Variants in AP1S3 observed in about 807,000 individuals in gnomAD.
The protein encoded by AP1S3 is AP-1 complex subunit sigma-3.
A neutral mutation model predicts 20.9 loss-of-function variants in AP1S3; 10 were observed. That is an observed-to-expected ratio of 0.48 (90% confidence interval 0.29 to 0.81). The LOEUF (loss-of-function observed/expected upper bound fraction) is 0.81. Among genes scored for constraint, AP1S3 ranks in the 30% least tolerant of loss-of-function variants. The pLI, the probability that AP1S3 is intolerant of heterozygous loss-of-function variation, is 0.08. For missense variants in AP1S3, 154 were observed against 183.8 expected (o/e 0.84, Z 0.94); for synonymous variants, 41 against 61.5 (o/e 0.67, Z 1.56).
chr2:223,785,891 A>G (rs1475323653), intron 1 of AP1S3, among the ~76,000 whole-genome samples: 1 of 152,244 alleles, frequency 6.6e-6, no homozygotes, highest in African/African-American at 2.4e-5. Context: ...TGAATTCTAC[A>G]TGTAACAAAC....
At chr2:223,772,765 G>C (rs1459437377) in intron 3 of AP1S3, among the ~76,000 whole-genome samples, 1 of 152,068 alleles carries the variant, frequency 6.6e-6, no homozygotes, top group Non-Finnish European at 1.5e-5. Context: ...TTTTCCCCTA[G>C]ATAACATTAT....
At chr2:223,768,050 G>A (rs901549288) in intron 3 of AP1S3, among the ~76,000 whole-genome samples, 5 of 152,246 alleles carry the variant, frequency 3.3e-5, no homozygotes, top group Admixed American at 3.3e-4. Context: ...GACCACTAAT[G>A]CTTAGCTAAA....
chr2:223,812,597 G>T (rs1013988780), intron 1 of AP1S3, among the ~76,000 whole-genome samples: 2 of 152,156 alleles, frequency 1.3e-5, no homozygotes, highest in Non-Finnish European at 2.9e-5. Flanking sequence ...TAGAGAAGTG[G>T]CTTTTTTGTT....
intron 1 of AP1S3, among the ~76,000 whole-genome samples, chr2:223,829,104 G>A (rs760291941): frequency 3.3e-5 from 5 of 152,158 alleles, no homozygotes; most frequent in African/African-American, 4.8e-5. Flanking sequence ...AAAGTGCTGG[G>A]ATTACAGGCA....
At chr2:223,783,004 T>A (rs1300307578) in intron 1 of AP1S3, among the ~76,000 whole-genome samples, 1 of 152,080 alleles carries the variant, frequency 6.6e-6, no homozygotes, top group Non-Finnish European at 1.5e-5. Context: ...TAATAAAAAA[T>A]ACCATTTTTG....
chr2:223,795,556 G>T (rs903282668), intron 1 of AP1S3, among the ~76,000 whole-genome samples: 5 of 150,778 alleles, frequency 3.3e-5, no homozygotes, highest in Non-Finnish European at 5.9e-5. Context: ...ATTTCATCCA[G>T]GGCCTGCTGG....
chr2:223,832,133 CTCTGTGTGTGTG>C lies in AP1S3; in HGVS notation c.3+5303_3+5314del, dbSNP rs1331522966. Reference sequence around the variant, plus strand: ...CTGGGGATTATTAAAGGAGTTTTCTCTCTGTGTGTGTGTGTGTGTGTGTGTGTGTGTGTGTGT... The same window carrying C: ...CTGGGGATTATTAAAGGAGTTTTCTCTGTGTGTGTGTGTGTGTGTGTGTGT... On this transcript the variant is annotated intron_variant, in intron 1 of 4. Coordinates refer to ENST00000396654, the MANE Select transcript of AP1S3 (RefSeq NM_001039569.2). Among the ~76,000 whole-genome samples the C allele has an allele frequency of 2.1e-4, 9 of 43,020 alleles. 1 individual carries two copies. The highest frequency in any genetic ancestry group is 7.1e-4 in the African/African-American group (9 of 12,630). The allele number at this position is 43,020 out of a possible 152,430, so 28.2% of individuals were successfully genotyped here. A position where few individuals can be genotyped will look rare whatever the true frequency, so the allele number is the denominator to read the frequency against.
rs527550327 is a variant in AP1S3, at chr2:223,780,308, TAGAGAGAGAGAGAG to T, written c.4-2453_4-2440del. Among the ~76,000 whole-genome samples, 124 of 61,882 alleles carry T rather than the reference TAGAGAGAGAGAGAG, an allele frequency of 2.0e-3. 2 individuals carry two copies. The highest frequency in any genetic ancestry group is 5.0e-3 in the African/African-American group (67 of 13,330). The allele number at this position is 61,882 out of a possible 152,430, so 40.6% of individuals were successfully genotyped here. ...ATATATATATATATATATATATATA[TAGAGAGAGAGAGAG>T]AGAGAGAGAGAGAGAGAGAGAGAGA... On this transcript the variant is annotated intron_variant, in intron 1 of 4. Transcript: ENST00000396654.
In AP1S3 at chr2:223,762,934, G is replaced by GAAA. The variant is rs201153582; in HGVS notation, c.429+2276_429+2278dup. ...ATATATGATTGGGTCCAAAGGACAG[G>GAAA]AAAAAAAAAAAAGCAGTAATTATTT... On this transcript the variant is annotated intron_variant, in intron 4 of 4. Coordinates refer to ENST00000396654, the MANE Select transcript of AP1S3 (RefSeq NM_001039569.2). 1.8e-3 allele frequency among the ~76,000 whole-genome samples: 252 copies of GAAA among 143,250 alleles called. 1 individual carries two copies. The highest frequency in any genetic ancestry group is 6.2e-3 in the African/African-American group (242 of 39,306). The allele number at this position is 143,250 out of a possible 152,430, so 94.0% of individuals were successfully genotyped here.
chr2:223,763,679 G>A (rs929074860), intron 4 of AP1S3, among the ~76,000 whole-genome samples: 3 of 152,144 alleles, frequency 2.0e-5, no homozygotes, highest in African/African-American at 7.2e-5. Context: ...GACACCTCTG[G>A]TAATGAATGC....
intron 1 of AP1S3, among the ~76,000 whole-genome samples, chr2:223,814,897 C>T (rs927709814): frequency 6.6e-6 from 1 of 152,156 alleles, no homozygotes; most frequent in East Asian, 1.9e-4. Flanking sequence ...CTGCCTTAGC[C>T]TCCCAAGTAG....
chr2:223,817,028 G>A (rs1204778185), intron 1 of AP1S3, among the ~76,000 whole-genome samples: 1 of 152,212 alleles, frequency 6.6e-6, no homozygotes, highest in Non-Finnish European at 1.5e-5. Flanking sequence ...AGGAGGCTGA[G>A]GCAGGAGAAT....
At chr2:223,759,298 AGAG>A (rs1690297511) in intron 4 of AP1S3, among the ~76,000 whole-genome samples, 4 of 102,844 alleles carry the variant, frequency 3.9e-5, no homozygotes, top group Non-Finnish European at 6.5e-5. Flanking sequence ...AAAAAAAAAG[AGAG>A]AGAGAGAGAG....
At chr2:223,759,031 C>T (rs527650780) in intron 4 of AP1S3, among the ~76,000 whole-genome samples, 3 of 152,258 alleles carry the variant, frequency 2.0e-5, no homozygotes, top group Admixed American at 6.5e-5. Context: ...GTGGTGCTCA[C>T]GCCTGTAATA....
intron 1 of AP1S3, among the ~76,000 whole-genome samples, chr2:223,796,484 A>C (rs1691340681): frequency 6.6e-6 from 1 of 152,174 alleles, no homozygotes; most frequent in African/African-American, 2.4e-5. Context: ...TATTATTTAA[A>C]TAATAAGTTT....
At position 223,827,687 on chromosome 2, in the gene AP1S3, A is replaced by C. The variant is rs146207298; in HGVS notation, c.3+9761T>G. Among the ~76,000 whole-genome samples the C allele has an allele frequency of 5.0e-3, 753 of 151,938 alleles. 3 individuals carry two copies. The highest frequency in any genetic ancestry group is 8.4e-3 in the Non-Finnish European group (569 of 67,976). ...AGGCATGAGCCACTATGCCCGGCCG[A>C]TTTTGTTTATTTCATCAGTTTAAAT... On this transcript the variant is annotated intron_variant, in intron 1 of 4. Transcript: ENST00000396654.
chr2:223,773,137 T>C (rs1376569579), intron 3 of AP1S3, among the ~76,000 whole-genome samples: 1 of 152,234 alleles, frequency 6.6e-6, no homozygotes, highest in Non-Finnish European at 1.5e-5. Flanking sequence ...GTCACTCAAG[T>C]TCTCTTGAGA....
chr2:223,762,421 T>C (rs1201398815), intron 4 of AP1S3, among the ~76,000 whole-genome samples: 2 of 151,712 alleles, frequency 1.3e-5, no homozygotes, highest in East Asian at 3.9e-4. Context: ...TACAGATGTG[T>C]ACCACCACAC....
At chr2:223,793,360 G>A (rs1050309583) in intron 1 of AP1S3, among the ~76,000 whole-genome samples, 1 of 152,090 alleles carries the variant, frequency 6.6e-6, no homozygotes, top group African/African-American at 2.4e-5. Context: ...AAGAAGATGT[G>A]GTACATACAC....
Sources: gnomAD v4.1 joint callset for allele counts (sites outside exome capture counted in the v4.1 genomes callset) on GRCh38, gnomAD v4.1.1 for gene constraint, MANE v1.5 for transcripts, NCBI Gene and HGNC (gene_info 2026-07-23, HGNC 2026-07-21) for gene names.